The following ACADS variants were observed in gnomAD, a reference collection of about 807,000 sequenced individuals.
ACADS encodes acyl-CoA dehydrogenase short chain.
ACADS carries 28 observed loss-of-function variants against 46.8 expected under a neutral mutation model. The observed-to-expected ratio is 0.60, with a 90% CI of 0.44 to 0.82. ACADS has a LOEUF of 0.82. ACADS is among the 40% of genes least tolerant of loss of function. ACADS has a pLI of 0.00. For synonymous variants in ACADS, 236 were observed against 237.7 expected (o/e 0.99, Z 0.07); for missense variants, 528 against 578.0 (o/e 0.91, Z 0.89).
At chr12:120,731,325 A>G (rs1033497332) in intron 2 of ACADS, among the ~76,000 whole-genome samples, 1 of 152,096 alleles carries the variant, frequency 6.6e-6, no homozygotes, top group Admixed American at 6.6e-5. Flanking sequence ...CATGTTGGCC[A>G]GGCTGGATTT....
intron 2 of ACADS, among the ~76,000 whole-genome samples, chr12:120,729,258 CTTTTTTTT>C (rs137894149): frequency 8.1e-6 from 1 of 123,102 alleles, no homozygotes; most frequent in Non-Finnish European, 1.6e-5. Flanking sequence ...TTTCTTTTTT[CTTTTTTTT>C]TTTTTTTTTG....
chr12:120,733,168 G>A (rs576605521), intron 2 of ACADS, among the ~76,000 whole-genome samples: 27 of 151,304 alleles, frequency 1.8e-4, no homozygotes, highest in East Asian at 5.8e-4. Flanking sequence ...CAGAGATGGC[G>A]GCAGTACAGT....
chr12:120,733,240 A>AGAGGGAGGGG (rs1469762576), intron 2 of ACADS, among the ~76,000 whole-genome samples: 2 of 131,672 alleles, frequency 1.5e-5, no homozygotes, highest in Non-Finnish European at 3.2e-5. Context: ...GACCGGGGGG[A>AGAGGGAGGGG]GAGGGAGAGG....
At position 120,738,365 on chromosome 12, in the gene ACADS, C is replaced by G. The variant is rs902931378; in HGVS notation, c.710C>G (p.Ser237Cys). The change falls in exon 6 of 10, where the codon TCC (serine) becomes TGC (cysteine). Residue 237 changes from serine to cysteine, a missense_variant. Coordinates refer to ENST00000242592, the MANE Select transcript of ACADS (RefSeq NM_000017.4). ...KEDKLGIRGS[S>C]TANLIFEDCR... ...GACAAGCTGGGCATCCGGGGCTCATCCACGGCCAACCTCATCTTTGAGGAC... is the reference window on the plus strand; with the variant it reads ...GACAAGCTGGGCATCCGGGGCTCATGCACGGCCAACCTCATCTTTGAGGAC... 1 of 1,614,038 alleles carries G rather than the reference C, an allele frequency of 6.2e-7. No individual in the cohort carries two copies. The highest frequency in any genetic ancestry group is 1.3e-5 in the African/African-American group (1 of 74,938).
At chr12:120,732,009 C>A (rs181479882) in intron 2 of ACADS, among the ~76,000 whole-genome samples, 1 of 152,244 alleles carries the variant, frequency 6.6e-6, no homozygotes, top group African/African-American at 2.4e-5. Flanking sequence ...TAGTACAGAA[C>A]GAAATGAAGT....
chr12:120,726,767 G>A (rs1457523110), intron 1 of ACADS, among the ~76,000 whole-genome samples: 3 of 152,130 alleles, frequency 2.0e-5, no homozygotes, highest in African/African-American at 4.8e-5. Context: ...TTCAGTGGCC[G>A]CCATGGACAT....
intron 2 of ACADS, among the ~76,000 whole-genome samples, chr12:120,729,303 G>C (rs1047045125): frequency 6.9e-6 from 1 of 144,620 alleles, no homozygotes; most frequent in Non-Finnish European, 1.5e-5. Context: ...TGTCCCCCAG[G>C]CTGGAGTGCA....
intron 8 of ACADS, 45 bp from the exon 9 acceptor site, chr12:120,739,095 A>AG (rs1293943670): frequency 5.0e-6 from 8 of 1,611,850 alleles, no homozygotes; most frequent in Non-Finnish European, 5.9e-6. Context: ...CAGGGGATGG[A>AG]GGGGTCCCCT....
chr12:120,734,046 G>T (rs1323175431), intron 2 of ACADS, among the ~76,000 whole-genome samples: 1 of 152,018 alleles, frequency 6.6e-6, no homozygotes, highest in African/African-American at 2.4e-5. Flanking sequence ...TCTAGAGGCC[G>T]CCTGCATTCT....
At chr12:120,732,841 A>G (rs1030977944) in intron 2 of ACADS, among the ~76,000 whole-genome samples, 16 of 152,408 alleles carry the variant, frequency 1.0e-4, no homozygotes, top group Middle Eastern at 3.4e-3. Flanking sequence ...AGAGACTGCA[A>G]TCTCGGCACT....
intron 2 of ACADS, among the ~76,000 whole-genome samples, chr12:120,729,920 C>T (rs1449933704): frequency 6.6e-6 from 1 of 152,188 alleles, no homozygotes; most frequent in Non-Finnish European, 1.5e-5. Context: ...TGTCTCAACA[C>T]CAGAGTGGGA....
rs11065235 is a variant in ACADS, at chr12:120,734,463, C to T, written c.211-2523C>T. Among the ~76,000 whole-genome samples, 2,871 of 152,264 alleles carry T rather than the reference C, an allele frequency of 0.019. 238 individuals are homozygous for T. The East Asian group carries it at 0.27, about 14-fold the overall frequency. On this transcript the variant is annotated intron_variant, in intron 2 of 9. Coordinates refer to ENST00000242592, the MANE Select transcript of ACADS (RefSeq NM_000017.4). The stretch of plus-strand genomic sequence containing the variant: ...GTACGTGTGGGAGACTCGGAGATGA[C>T]GCTCCGCCCCGCACTTAGAGTCTTA...
In ACADS at chr12:120,727,192, GA is replaced by G; in HGVS notation, c.210+4del. The G allele has an allele frequency of 3.1e-6, 5 of 1,614,210 alleles. No individual in the cohort carries two copies. The highest frequency in any genetic ancestry group is 1.3e-5 in the African/African-American group (1 of 75,056). On this transcript the variant is annotated splice_donor_region_variant and intron_variant, in intron 2 of 9. Coordinates refer to ENST00000242592, the MANE Select transcript of ACADS (RefSeq NM_000017.4). ...AACATCTCTTCCCAGCGGCTCAGGT[GA>G]GAGTGCAACCTCAGCAGCCCACGAT...
At chr12:120,738,968 G>A (rs931944863) in intron 8 of ACADS, 53 bp downstream of exon 8, 35 of 1,607,196 alleles carry the variant, frequency 2.2e-5, no homozygotes, top group Non-Finnish European at 2.9e-5. Flanking sequence ...GCCCAGGGAC[G>A]GGGAGAGGTT....
chr12:120,737,975 C>T lies in ACADS; in HGVS notation c.611C>T (p.Ala204Val), dbSNP rs547741682. The T allele has an allele frequency of 6.2e-7, 1 of 1,613,960 alleles. No individual in the cohort carries two copies. The highest frequency in any genetic ancestry group is 1.3e-5 in the African/African-American group (1 of 75,044). The change falls in exon 5 of 10, where the codon GCC (alanine) becomes GTC (valine). Residue 204 changes from alanine to valine, a missense_variant. Ala to Val is a moderately conservative substitution (Grantham distance 64). Coordinates refer to ENST00000242592, the MANE Select transcript of ACADS (RefSeq NM_000017.4). ...AAVVFASTDR[A>V]LQNKGISAFL... ...GTGGTCTTTGCCAGCACGGACAGAG[C>T]CCTGCAAAACAAGGTGGGCCCACCC...
intron 2 of ACADS, among the ~76,000 whole-genome samples, chr12:120,729,217 A>T (rs923040954): frequency 1.3e-5 from 2 of 151,830 alleles, no homozygotes; most frequent in African/African-American, 4.8e-5. Context: ...GACAAACCCG[A>T]ACCCATTTTT....
chr12:120,737,582 G>A, intron 4 of ACADS, 115 bp downstream of exon 4: 1 of 1,149,390 alleles, frequency 8.7e-7, no homozygotes, highest in Non-Finnish European at 1.3e-6. Context: ...CTCCCCGTGT[G>A]GTTGGTAGGG....
At chr12:120,732,209 C>T (rs1451284526) in intron 2 of ACADS, among the ~76,000 whole-genome samples, 5 of 150,370 alleles carry the variant, frequency 3.3e-5, no homozygotes, top group African/African-American at 1.2e-4. Flanking sequence ...CCAGTACGGG[C>T]GGCCGGGCAG....
chr12:120,739,433 G>A lies in ACADS; in HGVS notation c.1224G>A (p.Arg408=). 6.2e-7 allele frequency: 1 copy of A among 1,610,226 alleles called. No homozygotes were observed. The highest frequency in any genetic ancestry group is 8.5e-7 in the Non-Finnish European group (1 of 1,179,638). ...TGGTGATCGCCGGGCATCTGCTCAG[G>A]AGCTACCGGAGCTGAGCCCGCGGCG... is the stretch of plus-strand genomic sequence containing the variant. ...QRLVIAGHLL[R]SYRS is the part of the protein sequence containing the mutation. Residue 408 remains arginine (R), a synonymous_variant, in exon 10 of 10, where the codon AGG becomes AGA. Transcript: ENST00000242592.
Sources: allele counts gnomAD v4.1 joint callset (sites outside exome capture counted in the v4.1 genomes callset), GRCh38; gene constraint gnomAD v4.1.1; transcripts MANE v1.5; gene names NCBI Gene and HGNC (gene_info 2026-07-23, HGNC 2026-07-21).